BIN2: variants seen among roughly 807,000 people sequenced by gnomAD.
BIN2 encodes bridging integrator 2.
In BIN2, 43 loss-of-function variants were observed where a neutral mutation model predicts 67.9. The ratio of observed to expected loss-of-function variants is 0.63; its 90% CI spans 0.50 to 0.82. The LOEUF (loss-of-function observed/expected upper bound fraction) is 0.82. Ranked by LOEUF, BIN2 falls within the 40% of genes least tolerant of loss-of-function variation. The probability of loss-of-function intolerance (pLI) is 0.00; values close to 1 mark genes in which losing one functional copy is unlikely to be tolerated. For synonymous variants in BIN2, 244 were observed against 246.8 expected, an observed-to-expected ratio of 0.99 and a Z score of 0.11; for missense variants, 581 against 671.6, an observed-to-expected ratio of 0.87 and a Z score of 1.49.
intron 2 of BIN2, among the ~76,000 whole-genome samples, chr12:51,303,497 C>A (rs1945787660): frequency 6.6e-6 from 1 of 152,178 alleles, no homozygotes; most frequent in African/African-American, 2.4e-5. Context: ...CTACCATTTT[C>A]TGCAGACACC....
chr12:51,289,506 G>A (rs372071040), intron 10 of BIN2, among the ~76,000 whole-genome samples: 3 of 151,998 alleles, frequency 2.0e-5, no homozygotes, highest in African/African-American at 4.8e-5. Flanking sequence ...TACCAGCTAC[G>A]TGGGAGGCTA....
chr12:51,315,272 C>A (rs1411995506), intron 1 of BIN2, among the ~76,000 whole-genome samples: 1 of 152,052 alleles, frequency 6.6e-6, no homozygotes, highest in South Asian at 2.1e-4. Context: ...CGGGTTCACG[C>A]CATTCTCCTG....
At chr12:51,305,981 T>C (rs1292771300) in intron 2 of BIN2, among the ~76,000 whole-genome samples, 1 of 151,618 alleles carries the variant, frequency 6.6e-6, no homozygotes, top group Non-Finnish European at 1.5e-5. Flanking sequence ...GGACTACAGG[T>C]GTGTGCCACC....
chr12:51,289,285 T>C (rs1449889452), intron 10 of BIN2, among the ~76,000 whole-genome samples: 2 of 152,030 alleles, frequency 1.3e-5, no homozygotes, highest in African/African-American at 4.8e-5. Flanking sequence ...ACAAGTCAAA[T>C]CCCTATATGA....
At chr12:51,302,825 T>C (rs748905198) in intron 3 of BIN2, 45 bp from the exon 4 acceptor site, 2 of 1,483,172 alleles carry the variant, frequency 1.3e-6, no homozygotes, top group African/African-American at 1.4e-5. Context: ...TCCCCAACAG[T>C]AGTTGGTGTA....
chr12:51,284,739 T>A lies in BIN2; in HGVS notation c.1645A>T (p.Thr549Ser), dbSNP rs765176485. ...ACCTCTTCTTGAGGTTCAGGTGCTG[T>A]GAGGTTGTTGTTTTCTGGTACCATG... ...VSMVPENNNLTAPEPQEEVST... is the reference protein window; with the variant it reads ...VSMVPENNNLSAPEPQEEVST... Residue 549 changes from threonine (T) to serine (S), a missense_variant, in exon 12 of 13, where the codon ACA (threonine) becomes TCA (serine). Thr to Ser is a moderately conservative substitution (Grantham distance 58). Coordinates refer to ENST00000615107, the MANE Select transcript of BIN2 (RefSeq NM_016293.4). 1 of 1,612,178 alleles carries A rather than the reference T, an allele frequency of 6.2e-7. No homozygotes were observed.
At chr12:51,295,570 A>C (rs1945524284) in intron 9 of BIN2, among the ~76,000 whole-genome samples, 1 of 19,828 alleles carries the variant, frequency 5.0e-5, no homozygotes, top group East Asian at 3.0e-3. Context: ...CTCAAAAAAA[A>C]AAAAAAAATA....
chr12:51,297,814 A>G (rs1010332793), intron 7 of BIN2, among the ~76,000 whole-genome samples: 3 of 146,398 alleles, frequency 2.0e-5, no homozygotes, highest in African/African-American at 7.6e-5. Flanking sequence ...ATATAAGGCT[A>G]TCTAATTATA....
At chr12:51,282,351 A>G (rs980210069) in intron 12 of BIN2, among the ~76,000 whole-genome samples, 21 of 152,128 alleles carry the variant, frequency 1.4e-4, no homozygotes, top group Non-Finnish European at 2.8e-4. Context: ...ATAACATTTT[A>G]ATGGAGCTGA....
intron 1 of BIN2, among the ~76,000 whole-genome samples, chr12:51,320,035 G>A (rs887128757): frequency 6.6e-6 from 1 of 151,470 alleles, no homozygotes; most frequent in Non-Finnish European, 1.5e-5. Context: ...GCCCAGGCTG[G>A]AGTGCAGTGG....
At chr12:51,321,876 CT>C (rs146297664) in intron 1 of BIN2, among the ~76,000 whole-genome samples, 47 of 152,246 alleles carry the variant, frequency 3.1e-4, no homozygotes, top group Non-Finnish European at 6.5e-4. Context: ...ATTTCTCCCT[CT>C]TTATCTTGGT....
intron 1 of BIN2, among the ~76,000 whole-genome samples, chr12:51,321,601 G>T (rs1946285598): frequency 6.6e-6 from 1 of 152,150 alleles, no homozygotes; most frequent in East Asian, 1.9e-4. Flanking sequence ...GTTTCTCCAT[G>T]TTGGTCAGGC....
At position 51,292,214 on chromosome 12, in the gene BIN2, C is replaced by T. The variant is rs200548641; in HGVS notation, c.892G>A (p.Asp298Asn). The T allele has an allele frequency of 6.2e-7, 1 of 1,610,646 alleles. No homozygotes were observed. The stretch of plus-strand genomic sequence containing the variant: ...CCTTGGGCTGCATCAGGTGCCAGAT[C>T]TTCAGTTGCTGAGACAGATTCACTC... ...SESESVSATE[D>N]LAPDAAQGED... is the part of the protein sequence containing the mutation. The change falls in exon 10 of 13, where the codon GAT becomes AAT. Residue 298 changes from aspartate to asparagine, a missense_variant. Transcript: ENST00000615107.
rs1162419242 is a variant in BIN2 at position 51,324,079 on chromosome 12, G to T, written c.24C>A (p.Gly8=). ...CCTGCTTGGCGAAGAGGCCGGCCGC[G>T]CCGCCTGCCTTGCCCTCTGCCATCC... is the stretch of plus-strand genomic sequence containing the variant. MAEGKAG[G]AAGLFAKQVQ... is the part of the protein sequence containing the mutation. Residue 8 remains glycine, a synonymous_variant, in exon 1 of 13, where the codon GGC becomes GGA. Transcript: ENST00000615107. 1 of 1,613,352 alleles carries T rather than the reference G, an allele frequency of 6.2e-7. No homozygotes were observed. Among genetic ancestry groups the T allele is most frequent in the South Asian group, 1.1e-5 (1 of 91,070 alleles).
chr12:51,294,625 G>GT (rs1281209305), intron 9 of BIN2, among the ~76,000 whole-genome samples: 9 of 151,434 alleles, frequency 5.9e-5, no homozygotes, highest in Admixed American at 2.6e-4. Context: ...TTTTATGTGT[G>GT]CATGTATGTG....
chr12:51,304,953 A>T (rs1233335900), intron 2 of BIN2, among the ~76,000 whole-genome samples: 1 of 148,964 alleles, frequency 6.7e-6, no homozygotes, highest in African/African-American at 2.5e-5. Context: ...AGGAGGCAGA[A>T]CTTGCAGTGA....
At chr12:51,315,048 G>T (rs1417450362) in intron 1 of BIN2, among the ~76,000 whole-genome samples, 1 of 152,032 alleles carries the variant, frequency 6.6e-6, no homozygotes, top group Non-Finnish European at 1.5e-5. Context: ...TAGAGACAGG[G>T]TCTCACTATG....
chr12:51,313,227 G>GT (rs1212667487), intron 2 of BIN2, among the ~76,000 whole-genome samples: 1 of 137,158 alleles, frequency 7.3e-6, no homozygotes, highest in African/African-American at 2.8e-5. Flanking sequence ...AGGAAGGCAG[G>GT]AAGGCAGGCA....
intron 9 of BIN2, 136 bp downstream of exon 9, chr12:51,295,660 G>A (rs893734347): frequency 8.4e-6 from 3 of 355,316 alleles, no homozygotes; most frequent in Non-Finnish European, 1.6e-5. Flanking sequence ...ATTTATATAG[G>A]AGCATAGTAC....
Sources: gnomAD v4.1 joint callset for allele counts (sites outside exome capture counted in the v4.1 genomes callset) on GRCh38, gnomAD v4.1.1 for gene constraint, MANE v1.5 for transcripts, NCBI Gene and HGNC (gene_info 2026-07-23, HGNC 2026-07-21) for gene names.